The following EIF2D variants were observed in gnomAD, a reference collection of about 807,000 sequenced individuals.
The protein encoded by EIF2D is hepatocellular carcinoma-associated antigen 56.
A neutral mutation model predicts 77.4 loss-of-function variants in EIF2D; 56 were observed. The observed-to-expected ratio is 0.72, with a 90% CI of 0.58 to 0.90. The LOEUF (loss-of-function observed/expected upper bound fraction) is 0.90. EIF2D is among the 40% of genes least tolerant of loss of function. EIF2D has a pLI of 0.00. For missense variants in EIF2D, 574 were observed against 706.5 expected (o/e 0.81, Z 2.13); for synonymous variants, 230 against 271.0 (o/e 0.85, Z 1.49).
rs1472264524 is a variant in EIF2D at position 206,603,071 on chromosome 1, C to T, written c.664G>A (p.Gly222Arg). ...QGDMRHMTLE[G>R]EEENGEVHQA... ...TGAACCTCCCCATTCTCCTCTTCCC[C>T]CTCCAGGGTCATGTGCCTCATGTCT... The change falls in exon 6 of 15, where the codon GGG (glycine) becomes AGG (arginine). Residue 222 changes from glycine to arginine, a missense_variant. Coordinates refer to ENST00000271764, the MANE Select transcript of EIF2D (RefSeq NM_006893.3). 1.2e-6 allele frequency: 2 copies of T among 1,614,066 alleles called. No homozygotes were observed. The highest frequency in any genetic ancestry group is 1.1e-5 in the South Asian group (1 of 91,080).
chr1:206,585,117 G>A (rs140228348), intron 2 of EIF2D: 101 of 1,268,762 alleles, frequency 8.0e-5, no homozygotes, highest in East Asian at 7.2e-4. Flanking sequence ...ATCCTTTCCC[G>A]CAAGCCTGGG....
At chr1:206,593,827 G>A (rs782184231) in intron 13 of EIF2D, 34 bp from the exon 14 acceptor site, 20 of 1,569,538 alleles carry the variant, frequency 1.3e-5, no homozygotes, top group African/African-American at 2.7e-5. Flanking sequence ...ACTGACGGTG[G>A]TGACTGCATT....
At position 206,603,101 on chromosome 1, in the gene EIF2D, G is replaced by T. The variant is rs1553411756; in HGVS notation, c.634C>A (p.Gln212Lys). 1 of 1,614,166 alleles carries T rather than the reference G, an allele frequency of 6.2e-7. No homozygotes were observed. Among genetic ancestry groups the T allele is most frequent in the South Asian group, 1.1e-5 (1 of 91,062 alleles). The part of the protein sequence containing the change: ...KGSVQMDSTL[Q>K]GDMRHMTLEG... ...AGGGTCATGTGCCTCATGTCTCCCT[G>T]CAGGGTGGAGTCCATCTGGACAGAC... Residue 212 changes from glutamine (Q) to lysine (K), a missense_variant, in exon 6 of 15, where the codon CAG becomes AAG. Gln to Lys is a moderately conservative substitution (Grantham distance 53). Transcript: ENST00000271764.
chr1:206,597,482 T>C (rs1572394085), intron 11 of EIF2D, among the ~76,000 whole-genome samples: 1 of 152,180 alleles, frequency 6.6e-6, no homozygotes, highest in Non-Finnish European at 1.5e-5. Context: ...AGCATCAAAA[T>C]TGGCTAGTGA....
At chr1:206,585,316 C>G (rs368393455) in intron 2 of EIF2D, 1 of 1,595,960 alleles carries the variant, frequency 6.3e-7, no homozygotes, top group Admixed American at 1.7e-5. Flanking sequence ...ACCCATTGTG[C>G]AAACCCAGGC....
At chr1:206,603,311 C>T in intron 5 of EIF2D, 107 bp from the exon 6 acceptor site, 2 of 1,433,510 alleles carry the variant, frequency 1.4e-6, no homozygotes, top group Non-Finnish European at 1.9e-6. Flanking sequence ...AGCCAACAGG[C>T]AGGAGTGGCC....
Position 206,576,280 on chromosome 1 carries a change from A to C in EIF2D, c.*255-3581T>G, listed in dbSNP as rs137949392. 2.0e-5 allele frequency among the ~76,000 whole-genome samples: 3 copies of C among 152,306 alleles called. No homozygotes were observed. The East Asian group carries it at 5.8e-4, about 29-fold the overall frequency. On this transcript the variant is annotated intron_variant and NMD_transcript_variant, in intron 4 of 5. Transcript: ENST00000472709. ...GCTGCAGAGATCTGTGACGATGGTA[A>C]TTTGTACTTTTGCTGCAATGGGAAT... is the stretch of plus-strand genomic sequence containing the variant.
At chr1:206,609,731 A>C (rs1553413495) in intron 2 of EIF2D, among the ~76,000 whole-genome samples, 2 of 152,238 alleles carry the variant, frequency 1.3e-5, no homozygotes, top group African/African-American at 4.8e-5. Flanking sequence ...GCAGAGAACC[A>C]ATGAAGCTTT....
At chr1:206,571,910 G>A (rs1558517577) in intron 5 of EIF2D, among the ~76,000 whole-genome samples, 1 of 152,186 alleles carries the variant, frequency 6.6e-6, no homozygotes, top group East Asian at 1.9e-4. Context: ...AATTCCTGTG[G>A]CCATCTCAGA....
rs142297824 is a variant in EIF2D, at chr1:206,601,976, T to A, written c.902+360A>T. 1.6e-4 allele frequency: 31 copies of A among 198,864 alleles called. No individual in the cohort carries two copies. In the East Asian group the frequency reaches 3.9e-3, roughly 25 times the overall value. The allele number at this position is 198,864 out of a possible 1,614,324, so 12.3% of individuals were successfully genotyped here. On this transcript the variant is annotated intron_variant, in intron 7 of 14. Coordinates refer to ENST00000271764, the MANE Select transcript of EIF2D (RefSeq NM_006893.3). ...GAGGTTGAATGTTCCAGAAGAAGAT[T>A]CCTGACAAAGAGGCTGCCCTGGGAC... is the stretch of plus-strand genomic sequence containing the variant.
chr1:206,586,465 AC>A, intron 2 of EIF2D: 2 of 215,952 alleles, frequency 9.3e-6, no homozygotes, highest in South Asian at 1.3e-4. Flanking sequence ...TCCTGAGTCC[AC>A]GTTCCACTCC....
chr1:206,599,676 C>T lies in EIF2D; in HGVS notation c.1052+57G>A, dbSNP rs1553410869. On this transcript the variant is annotated intron_variant, in intron 9 of 14. Transcript: ENST00000271764. This position sits in a 1 kb window ranked among gnomAD's most constrained non-coding sequence, Gnocchi z 4.1. ...ACTAGCATCTCAGCAATCCCCAGTCCGTGGCCCAGGTGCCCTGGGGCCAGC... is the reference window on the plus strand; with the variant it reads ...ACTAGCATCTCAGCAATCCCCAGTCTGTGGCCCAGGTGCCCTGGGGCCAGC... 18 of 1,612,396 alleles carry T rather than the reference C, an allele frequency of 1.1e-5. No individual in the cohort carries two copies. The highest frequency in any genetic ancestry group is 4.0e-5 in the African/African-American group (3 of 74,860).
intron 4 of EIF2D, among the ~76,000 whole-genome samples, chr1:206,606,657 A>G (rs542079062): frequency 1.4e-4 from 21 of 152,350 alleles, no homozygotes; most frequent in African/African-American, 4.8e-4. Context: ...TTCAAGGAAA[A>G]TAGAATAATA....
At chr1:206,576,236 G>C (rs1485779196) in intron 4 of EIF2D, among the ~76,000 whole-genome samples, 18 of 152,222 alleles carry the variant, frequency 1.2e-4, no homozygotes, top group Admixed American at 1.2e-3. Context: ...TTGCAGTATG[G>C]ATTTAACATT....
chr1:206,595,828 T>C lies in EIF2D; in HGVS notation c.1399A>G (p.Lys467Glu). 1.2e-6 allele frequency: 2 copies of C among 1,614,084 alleles called. No homozygotes were observed. The highest frequency in any genetic ancestry group is 8.5e-7 in the Non-Finnish European group (1 of 1,179,972). ...WDSLLTRCLEKLQPAYQVTLP... is the reference protein window; with the variant it reads ...WDSLLTRCLEELQPAYQVTLP... The stretch of plus-strand genomic sequence containing the variant: ...GTCACTTGATAGGCAGGCTGTAATT[T>C]TTCCAAACACCTGAAACAGAAGTTA... The change falls in exon 13 of 15, where the codon AAA becomes GAA. Residue 467 changes from lysine to glutamate, a missense_variant. By Grantham distance (56) the Lys-to-Glu change is moderately conservative. Transcript: ENST00000271764.
Position 206,593,622 on chromosome 1 carries a change from G to A in EIF2D, c.1681C>T (p.Leu561Phe), listed in dbSNP as rs147301171. Reference sequence around the variant, plus strand: ...ACTCTTCAGAGGGGATGCTCACCAAGCAATAGCCAGCCGAGGTGGTGGACC... The same window carrying A: ...ACTCTTCAGAGGGGATGCTCACCAAACAATAGCCAGCCGAGGTGGTGGACC... ...NQVHHLGWLL[L>F]EEYQLPRKHI... is the part of the protein sequence containing the mutation. Residue 561 changes from leucine (L) to phenylalanine (F), a missense_variant, in exon 14 of 15, where the codon CTT becomes TTT. Physicochemically the swap from Leu to Phe is conservative, Grantham distance 22 (BLOSUM62 0). Transcript: ENST00000271764. 7 of 1,605,788 alleles carry A rather than the reference G, an allele frequency of 4.4e-6. No homozygotes were observed. Among genetic ancestry groups the A allele is most frequent in the Non-Finnish European group, 6.0e-6 (7 of 1,173,968 alleles).
downstream of EIF2D, among the ~76,000 whole-genome samples, chr1:206,589,879 A>C (rs1160399935): frequency 6.6e-6 from 1 of 152,220 alleles, no homozygotes; most frequent in African/African-American, 2.4e-5. Context: ...GAATGAATGA[A>C]TGTCCAACAA....
intron 4 of EIF2D, among the ~76,000 whole-genome samples, chr1:206,573,066 C>T (rs1421302824): frequency 6.6e-6 from 1 of 152,206 alleles, no homozygotes; most frequent in Non-Finnish European, 1.5e-5. Context: ...TGATGACGCA[C>T]TAGCTAACAT....
At chr1:206,611,053 G>C in intron 2 of EIF2D, 131 bp downstream of exon 2, 1 of 835,756 alleles carries the variant, frequency 1.2e-6, no homozygotes. Flanking sequence ...GGTCCATAAA[G>C]ATCCTTGGGG....
Sources: gnomAD v4.1 joint callset for allele counts (sites outside exome capture counted in the v4.1 genomes callset) on GRCh38, gnomAD v4.1.1 for gene constraint, Gnocchi (gnomAD v3.1) non-coding constraint, MANE v1.5 for transcripts, NCBI Gene and HGNC (gene_info 2026-07-23, HGNC 2026-07-21) for gene names.